TTC17: variants seen among roughly 807,000 people sequenced by gnomAD.
TTC17 encodes the protein tetratricopeptide repeat domain 17.
A neutral mutation model predicts 143.8 loss-of-function variants in TTC17; 58 were observed. The observed-to-expected ratio is 0.40, with a 90% CI of 0.33 to 0.50. TTC17 has a LOEUF of 0.50. TTC17 is among the 20% of genes least tolerant of loss of function. The pLI, the probability that TTC17 is intolerant of heterozygous loss-of-function variation, is 0.49. For synonymous variants in TTC17, 501 were observed against 497.8 expected (o/e 1.01, Z -0.09); for missense variants, 1,273 against 1,392.5 (o/e 0.91, Z 1.37).
chr11:43,432,653 A>G (rs1947184580), intron 16 of TTC17, among the ~76,000 whole-genome samples: 1 of 152,232 alleles, frequency 6.6e-6, no homozygotes, highest in Non-Finnish European at 1.5e-5. Context: ...AGTCTTATGC[A>G]TAGAAGATGA....
intron 21 of TTC17, among the ~76,000 whole-genome samples, chr11:43,487,776 C>T (rs1036270201): frequency 5.3e-5 from 8 of 152,200 alleles, no homozygotes; most frequent in Admixed American, 3.9e-4. Flanking sequence ...GGGCTGGAAG[C>T]CTGAGATCAA....
At chr11:43,376,103 C>T (rs905124741) in intron 1 of TTC17, among the ~76,000 whole-genome samples, 2 of 152,140 alleles carry the variant, frequency 1.3e-5, no homozygotes, top group African/African-American at 4.8e-5. Flanking sequence ...CTGCAGTGAA[C>T]TCAAAAAGTA....
chr11:43,380,854 TTGATTTTTATCAA>T (rs1856941014), intron 2 of TTC17, among the ~76,000 whole-genome samples: 1 of 152,224 alleles, frequency 6.6e-6, no homozygotes, highest in African/African-American at 2.4e-5. Context: ...TTTGGAAATG[TTGATTTTTATCAA>T]TACTAGGAAT....
chr11:43,480,105 C>T (rs1275453050), intron 21 of TTC17, among the ~76,000 whole-genome samples: 1 of 152,150 alleles, frequency 6.6e-6, no homozygotes, highest in Non-Finnish European at 1.5e-5. Context: ...TGCAGAGTGC[C>T]AGCAGTTATC....
intron 16 of TTC17, among the ~76,000 whole-genome samples, chr11:43,440,452 A>C (rs1190395753): frequency 2.6e-5 from 4 of 152,238 alleles, no homozygotes; most frequent in Non-Finnish European, 5.9e-5. Context: ...TTCACATTAG[A>C]CTGAAAAATC....
intron 1 of TTC17, among the ~76,000 whole-genome samples, chr11:43,366,647 A>G (rs1450124498): frequency 6.6e-6 from 1 of 152,188 alleles, no homozygotes; most frequent in Admixed American, 6.5e-5. Context: ...GCTACCTTTA[A>G]TAGTTTGGTG....
At chr11:43,366,542 T>C (rs1353348909) in intron 1 of TTC17, among the ~76,000 whole-genome samples, 1 of 151,460 alleles carries the variant, frequency 6.6e-6, no homozygotes, top group East Asian at 1.9e-4. Flanking sequence ...AAATAATGCA[T>C]GGCATTGTAA....
At chr11:43,364,044 C>CCA (rs1856228836) in intron 1 of TTC17, among the ~76,000 whole-genome samples, 1 of 146,198 alleles carries the variant, frequency 6.8e-6, no homozygotes, top group Non-Finnish European at 1.5e-5. Flanking sequence ...GAGTACAGAT[C>CCA]CTCTTTTTTT....
In TTC17 at chr11:43,463,065, G is replaced by A. The variant is rs1183521378; in HGVS notation, c.3030+11800G>A. Among the ~76,000 whole-genome samples, 10 of 151,908 alleles carry A rather than the reference G, an allele frequency of 6.6e-5. No homozygotes were observed. In the East Asian group the frequency reaches 7.7e-4, roughly 12 times the overall value. On this transcript the variant is annotated intron_variant, in intron 21 of 23. Coordinates refer to ENST00000039989, the MANE Select transcript of TTC17 (RefSeq NM_018259.6). ...CAAGTAGCTGGGACTACAGGCGTGC[G>A]CCACCACACCCAGGAATTTTTGTAT... is the stretch of plus-strand genomic sequence containing the variant.
intron 16 of TTC17, among the ~76,000 whole-genome samples, chr11:43,433,305 G>A (rs1399211676): frequency 6.6e-6 from 1 of 152,146 alleles, no homozygotes; most frequent in Non-Finnish European, 1.5e-5. Context: ...GGCCAAACTG[G>A]TCTGTTTTTA....
At chr11:43,447,063 T>G (rs1175827327) in intron 18 of TTC17, among the ~76,000 whole-genome samples, 10 of 152,068 alleles carry the variant, frequency 6.6e-5, no homozygotes. Flanking sequence ...CTCACATCTG[T>G]AATCCCAGCA....
chr11:43,416,031 T>C (rs1339237513), intron 16 of TTC17, among the ~76,000 whole-genome samples: 1 of 152,174 alleles, frequency 6.6e-6, no homozygotes, highest in Non-Finnish European at 1.5e-5. Flanking sequence ...ATAGTTGCAT[T>C]GTTCTTACCA....
At chr11:43,493,375 G>A (rs925947522) in intron 23 of TTC17, among the ~76,000 whole-genome samples, 16 of 152,138 alleles carry the variant, frequency 1.1e-4, no homozygotes, top group Non-Finnish European at 1.3e-4. Context: ...TGTCAGGCAC[G>A]GTTCTGGAGG....
intron 1 of TTC17, among the ~76,000 whole-genome samples, chr11:43,366,729 G>A (rs182116094): frequency 2.0e-4 from 30 of 152,130 alleles, no homozygotes; most frequent in Admixed American, 1.3e-3. Flanking sequence ...ACAGATTCTC[G>A]AACATATCTT....
At chr11:43,430,741 ACACACAC>A in intron 16 of TTC17, among the ~76,000 whole-genome samples, 1 of 151,422 alleles carries the variant, frequency 6.6e-6, no homozygotes, top group Non-Finnish European at 1.5e-5. Context: ...ACACACACAC[ACACACAC>A]AAAGTTGAAA....
At chr11:43,400,743 G>C (rs1857817295) in intron 9 of TTC17, among the ~76,000 whole-genome samples, 2 of 152,256 alleles carry the variant, frequency 1.3e-5, no homozygotes, top group Non-Finnish European at 1.5e-5. Flanking sequence ...TCAAGCATCT[G>C]TGATCCATAA....
At chr11:43,453,246 A>G (rs1947698376) in intron 21 of TTC17, among the ~76,000 whole-genome samples, 1 of 152,174 alleles carries the variant, frequency 6.6e-6, no homozygotes, top group South Asian at 2.1e-4. Context: ...ATTCAAATAA[A>G]TAAGATTTGA....
rs552900245 is a variant in TTC17 at position 43,379,994 on chromosome 11, G to T, written c.249+672G>T. Among the ~76,000 whole-genome samples the T allele has an allele frequency of 2.0e-5, 3 of 151,536 alleles. No homozygotes were observed. The South Asian group carries it at 6.2e-4, about 31-fold the overall frequency. On this transcript the variant is annotated intron_variant, in intron 2 of 23. Transcript: ENST00000039989. Reference sequence around the variant, plus strand: ...TTACAGTGTAAATTGAATCTAAATTGTAAATAAACTGTAAGTTGTAGAAAC... The same window carrying T: ...TTACAGTGTAAATTGAATCTAAATTTTAAATAAACTGTAAGTTGTAGAAAC...
At position 43,448,004 on chromosome 11, in the gene TTC17, A is replaced by G. The variant is rs140945229; in HGVS notation, c.2668A>G (p.Lys890Glu). ...PKVASPGPQG[K>E]KRDYQRLGWP... ...TTCATGGCATACTTTCCTTCCAGGA[A>G]AAAAACGTGACTACCAGCGTCTGGG... Residue 890 changes from lysine to glutamate, a missense_variant and splice_region_variant, in exon 19 of 24, where the codon AAA becomes GAA. Physicochemically the swap from Lys to Glu is moderately conservative, Grantham distance 56. Coordinates refer to ENST00000039989, the MANE Select transcript of TTC17 (RefSeq NM_018259.6). 6.2e-6 allele frequency: 10 copies of G among 1,613,632 alleles called. No homozygotes were observed. The African/African-American group carries it at 1.3e-4, about 22-fold the overall frequency.
Sources: gnomAD v4.1 joint callset for allele counts (sites outside exome capture counted in the v4.1 genomes callset) on GRCh38, gnomAD v4.1.1 for gene constraint, MANE v1.5 for transcripts, NCBI Gene and HGNC (gene_info 2026-07-23, HGNC 2026-07-21) for gene names.